Variants in DLG2 observed in about 807,000 individuals in gnomAD.
The protein encoded by DLG2 is disks large homolog 2.
DLG2 carries 45 observed loss-of-function variants against 132.5 expected under a neutral mutation model. The observed-to-expected ratio is 0.34, with a 90% CI of 0.27 to 0.44. DLG2 has a LOEUF of 0.44. Ranked by LOEUF, DLG2 falls within the 20% of genes least tolerant of loss-of-function variation. DLG2 has a pLI of 1.00. For missense variants in DLG2, 1,045 were observed against 1,196.9 expected (o/e 0.87, Z 1.87); for synonymous variants, 424 against 419.6 (o/e 1.01, Z -0.13).
At chr11:84,910,144 C>T (rs143003764) in intron 6 of DLG2, among the ~76,000 whole-genome samples, 27 of 152,340 alleles carry the variant, frequency 1.8e-4, no homozygotes, top group Non-Finnish European at 3.1e-4. Context: ...AATGGGCAGA[C>T]ATCCCTGACT....
intron 3 of DLG2, among the ~76,000 whole-genome samples, chr11:85,492,978 T>C (rs930550974): frequency 1.3e-5 from 2 of 151,794 alleles, no homozygotes; most frequent in African/African-American, 4.8e-5. Flanking sequence ...TTTGAAGGAG[T>C]TAGCGCTAAG....
intron 3 of DLG2, among the ~76,000 whole-genome samples, chr11:85,322,138 C>G (rs1053682423): frequency 5.9e-5 from 9 of 152,086 alleles, no homozygotes; most frequent in African/African-American, 2.2e-4. Context: ...ATACACTCCA[C>G]CTTCTGGTCA....
At chr11:85,035,204 G>C (rs1365854691) in intron 6 of DLG2, among the ~76,000 whole-genome samples, 1 of 152,154 alleles carries the variant, frequency 6.6e-6, no homozygotes, top group African/African-American at 2.4e-5. Context: ...ATTTCTATCA[G>C]GTTGAACTCT....
At chr11:83,840,348 T>C (rs2057273386) in intron 16 of DLG2, among the ~76,000 whole-genome samples, 2 of 152,184 alleles carry the variant, frequency 1.3e-5, no homozygotes, top group Non-Finnish European at 2.9e-5. Context: ...AGGAAATAGG[T>C]ATTAAATGAA....
chr11:83,511,087 G>GACACACAGACACACAC (rs1555134673), intron 21 of DLG2, among the ~76,000 whole-genome samples: 2 of 138,552 alleles, frequency 1.4e-5, no homozygotes, highest in Non-Finnish European at 3.1e-5. Flanking sequence ...CACACACACA[G>GACACACAGACACACAC]ACACACACAC....
At chr11:84,679,767 G>A (rs779896848) in intron 6 of DLG2, among the ~76,000 whole-genome samples, 6 of 152,108 alleles carry the variant, frequency 3.9e-5, no homozygotes, top group Non-Finnish European at 7.4e-5. Context: ...AAGAAACTGA[G>A]ATGCAGTTAT....
intron 6 of DLG2, among the ~76,000 whole-genome samples, chr11:84,917,841 G>A (rs1440199771): frequency 6.6e-6 from 1 of 152,056 alleles, no homozygotes; most frequent in African/African-American, 2.4e-5. Context: ...CAACCATTTG[G>A]AGACCATACT....
At chr11:85,330,792 T>TAAAAAAAAAAAAAAAAAAA (rs56995757) in intron 3 of DLG2, among the ~76,000 whole-genome samples, 13 of 116,492 alleles carry the variant, frequency 1.1e-4, no homozygotes, top group African/African-American at 1.6e-4. Flanking sequence ...AAAAAAAAAT[T>TAAAAAAAAAAAAAAAAAAA]AAAAAAAAAA....
intron 7 of DLG2, among the ~76,000 whole-genome samples, chr11:84,386,065 C>A (rs1437962419): frequency 2.0e-5 from 3 of 151,948 alleles, no homozygotes; most frequent in African/African-American, 7.2e-5. Flanking sequence ...TTTTTTACAT[C>A]TATTTTTATT....
At chr11:84,807,104 T>G (rs1281562982) in intron 6 of DLG2, among the ~76,000 whole-genome samples, 1 of 151,448 alleles carries the variant, frequency 6.6e-6, no homozygotes, top group Non-Finnish European at 1.5e-5. Flanking sequence ...GAAGGCAAAA[T>G]AAAAAAGCAG....
intron 4 of DLG2, among the ~76,000 whole-genome samples, chr11:85,159,156 T>G (rs2077837106): frequency 6.6e-6 from 1 of 152,196 alleles, no homozygotes; most frequent in Non-Finnish European, 1.5e-5. Flanking sequence ...GGCTCTGAAC[T>G]GACATCGATT....
intron 7 of DLG2, among the ~76,000 whole-genome samples, chr11:84,331,554 T>TGGAGGAGGTGGGTCGGC (rs2098459283): frequency 2.1e-5 from 2 of 93,096 alleles, no homozygotes; most frequent in Non-Finnish European, 4.2e-5. Flanking sequence ...TCAAACTTGA[T>TGGAGGAGGTGGGTCGGC]GGAGGAGGTG....
chr11:83,946,267 C>A (rs2083933835), intron 14 of DLG2, among the ~76,000 whole-genome samples: 1 of 152,158 alleles, frequency 6.6e-6, no homozygotes. Flanking sequence ...GGATTACAGG[C>A]TTGAGCCACC....
rs563549452 is a variant in DLG2 at position 83,484,586 on chromosome 11, T to C, written c.2194-358A>G. Among the ~76,000 whole-genome samples, 18 of 152,266 alleles carry C rather than the reference T, an allele frequency of 1.2e-4. No homozygotes were observed. The South Asian group carries it at 3.7e-3, about 32-fold the overall frequency. ...AAAGGGAATTGAATGTCTCTGAACCTCAGTATGTTCATCTGCAAAATGAGG... is the reference window on the plus strand; with the variant it reads ...AAAGGGAATTGAATGTCTCTGAACCCCAGTATGTTCATCTGCAAAATGAGG... On this transcript the variant is annotated intron_variant, in intron 21 of 27. Coordinates refer to ENST00000376104, the MANE Select transcript of DLG2 (RefSeq NM_001142699.3).
chr11:84,292,193 TTG>T (rs1162490968), intron 7 of DLG2, among the ~76,000 whole-genome samples: 2 of 152,130 alleles, frequency 1.3e-5, no homozygotes. Context: ...CGGCAGGAAT[TTG>T]GCAGAAAGAC....
intron 6 of DLG2, among the ~76,000 whole-genome samples, chr11:84,633,066 C>T (rs2099634752): frequency 6.6e-6 from 1 of 152,146 alleles, no homozygotes; most frequent in Non-Finnish European, 1.5e-5. Context: ...CAGAATAATT[C>T]AAATAAAATG....
chr11:83,629,558 G>A (rs2063212504), intron 19 of DLG2, among the ~76,000 whole-genome samples: 1 of 152,034 alleles, frequency 6.6e-6, no homozygotes, highest in Non-Finnish European at 1.5e-5. Flanking sequence ...TTAGAAATCT[G>A]CACTTTTGTA....
chr11:84,317,317 C>G, intron 7 of DLG2: 1 of 1,427,322 alleles, frequency 7.0e-7, no homozygotes, highest in South Asian at 1.5e-5. Flanking sequence ...GCAGCGACAG[C>G]AGCTCCGCAC....
chr11:83,520,714 GATAGATAGATAGAT>G (rs1466019726), intron 21 of DLG2, among the ~76,000 whole-genome samples: 61 of 151,242 alleles, frequency 4.0e-4, no homozygotes, highest in African/African-American at 1.4e-3. Context: ...TAGATAGATA[GATAGATAGATAGAT>G]AGATAGATAG....
Sources: allele counts gnomAD v4.1 joint callset (sites outside exome capture counted in the v4.1 genomes callset), GRCh38; gene constraint gnomAD v4.1.1; transcripts MANE v1.5; gene names NCBI Gene and HGNC (gene_info 2026-07-23, HGNC 2026-07-21).